CSMD1: variants seen among roughly 807,000 people sequenced by gnomAD.
CSMD1 encodes CUB and Sushi multiple domains 1, also known as CUB and sushi domain-containing protein 1.
CSMD1 carries 213 observed loss-of-function variants against 417.5 expected under a neutral mutation model. The ratio of observed to expected loss-of-function variants is 0.51; its 90% CI spans 0.46 to 0.57. The LOEUF is 0.57. CSMD1 is among the 20% of genes least tolerant of loss of function. CSMD1 has a pLI of 0.00. For synonymous variants in CSMD1, 2,862 were observed against 1,736.8 expected (o/e 1.65, Z -16.11); for missense variants, 6,923 against 4,529.7 (o/e 1.53, Z -15.17).
At chr8:3,878,890 T>C (rs1437352379) in intron 5 of CSMD1, among the ~76,000 whole-genome samples, 1 of 152,208 alleles carries the variant, frequency 6.6e-6, no homozygotes, top group Admixed American at 6.5e-5. Flanking sequence ...TATTCACCAA[T>C]ATCACAAGTT....
chr8:4,392,775 C>T (rs1007748559), intron 3 of CSMD1, among the ~76,000 whole-genome samples: 1 of 151,670 alleles, frequency 6.6e-6, no homozygotes, highest in African/African-American at 2.4e-5. Flanking sequence ...TGAGAACATC[C>T]TGGCCAACAT....
At chr8:4,098,712 G>C (rs951456813) in intron 3 of CSMD1, among the ~76,000 whole-genome samples, 1 of 152,106 alleles carries the variant, frequency 6.6e-6, no homozygotes, top group African/African-American at 2.4e-5. Context: ...ACCTACTCTA[G>C]GTTTATTTCC....
intron 41 of CSMD1, among the ~76,000 whole-genome samples, chr8:3,142,011 A>G (rs1305537253): frequency 1.3e-5 from 2 of 151,908 alleles, no homozygotes; most frequent in Non-Finnish European, 2.9e-5. Context: ...GTTAGCCAGG[A>G]TGGTCTCGAT....
intron 1 of CSMD1, among the ~76,000 whole-genome samples, chr8:4,730,556 C>T (rs1158739367): frequency 3.9e-5 from 6 of 151,934 alleles, no homozygotes; most frequent in South Asian, 2.1e-4. Flanking sequence ...CTGGCTAACA[C>T]GGTGAAACTC....
intron 5 of CSMD1, among the ~76,000 whole-genome samples, chr8:3,933,855 C>G (rs1047538973): frequency 2.0e-5 from 3 of 152,102 alleles, no homozygotes; most frequent in Non-Finnish European, 2.9e-5. Flanking sequence ...GTGCTCTGAA[C>G]TATTTTTTTC....
chr8:4,946,593 T>C (rs1313481704), intron 1 of CSMD1, among the ~76,000 whole-genome samples: 3 of 152,198 alleles, frequency 2.0e-5, no homozygotes, highest in Non-Finnish European at 4.4e-5. Flanking sequence ...CACTAAATTC[T>C]AGGCTTATGT....
intron 6 of CSMD1, among the ~76,000 whole-genome samples, chr8:3,742,096 G>A (rs754351877): frequency 1.1e-4 from 16 of 151,630 alleles, no homozygotes; most frequent in Non-Finnish European, 2.2e-4. Context: ...ACCTGGCTCT[G>A]CTGATGAGGA....
intron 10 of CSMD1, among the ~76,000 whole-genome samples, chr8:3,574,379 G>C (rs1800061165): frequency 6.6e-6 from 1 of 152,124 alleles, no homozygotes; most frequent in South Asian, 2.1e-4. Context: ...TAGCTGGGAT[G>C]ACAGGTGCCT....
intron 11 of CSMD1, among the ~76,000 whole-genome samples, chr8:3,492,189 T>C (rs1335977039): frequency 1.3e-5 from 2 of 152,102 alleles, no homozygotes; most frequent in Non-Finnish European, 1.5e-5. Flanking sequence ...GCCAAGATGT[T>C]TGATTATTCT....
chr8:3,309,657 G>A (rs1314616728), intron 23 of CSMD1, among the ~76,000 whole-genome samples: 1 of 152,114 alleles, frequency 6.6e-6, no homozygotes, highest in Non-Finnish European at 1.5e-5. Context: ...GGACCACATG[G>A]TCTCTTTCCT....
At chr8:3,829,228 C>T (rs1327500340) in intron 5 of CSMD1, among the ~76,000 whole-genome samples, 1 of 152,046 alleles carries the variant, frequency 6.6e-6, no homozygotes, top group Non-Finnish European at 1.5e-5. Flanking sequence ...CCTTCTTATG[C>T]CTTTGCATCC....
intron 1 of CSMD1, among the ~76,000 whole-genome samples, chr8:4,899,894 G>A (rs537717086): frequency 6.6e-6 from 1 of 152,120 alleles, no homozygotes; most frequent in Non-Finnish European, 1.5e-5. Flanking sequence ...CCTTTCAGCT[G>A]CTCTGTCCCT....
intron 1 of CSMD1, among the ~76,000 whole-genome samples, chr8:4,692,655 C>G (rs536058735): frequency 1.3e-5 from 2 of 152,302 alleles, no homozygotes; most frequent in Admixed American, 1.3e-4. Flanking sequence ...GACTGACCAA[C>G]TGTCCTGGTT....
At position 4,479,330 on chromosome 8, in the gene CSMD1, A is replaced by G. The variant is rs530188881; in HGVS notation, c.303-59265T>C. 9.3e-4 allele frequency among the ~76,000 whole-genome samples: 142 copies of G among 152,304 alleles called. 1 individual carries two copies. The highest frequency in any genetic ancestry group is 3.3e-3 in the African/African-American group (136 of 41,568). On this transcript the variant is annotated intron_variant, in intron 2 of 69. Coordinates refer to ENST00000635120, the MANE Select transcript of CSMD1 (RefSeq NM_033225.6). ...GGTAAGTATGAAAAAGGAATTTTAT[A>G]CAGTTGAACAGCTGCACTTTACCAC...
At chr8:3,307,576 C>G in intron 25 of CSMD1, 119 bp downstream of exon 25, 1 of 1,197,872 alleles carries the variant, frequency 8.3e-7, no homozygotes, top group Admixed American at 2.4e-5. Context: ...ACAGCTTTAC[C>G]TTTTCTTCTT....
intron 3 of CSMD1, among the ~76,000 whole-genome samples, chr8:4,048,300 T>C (rs1798252491): frequency 6.6e-6 from 1 of 152,200 alleles, no homozygotes; most frequent in African/African-American, 2.4e-5. Context: ...AAGATTGAGC[T>C]GGTTACACAA....
At chr8:4,286,031 G>A (rs531322080) in intron 3 of CSMD1, among the ~76,000 whole-genome samples, 1 of 152,192 alleles carries the variant, frequency 6.6e-6, no homozygotes, top group South Asian at 2.1e-4. Flanking sequence ...TCTCTGCCTT[G>A]GCTTAGTGGA....
intron 12 of CSMD1, among the ~76,000 whole-genome samples, chr8:3,446,893 G>C (rs1384720205): frequency 6.6e-6 from 1 of 152,170 alleles, no homozygotes; most frequent in East Asian, 1.9e-4. Flanking sequence ...ACTTGTAAGA[G>C]AAATTAAAGC....
intron 41 of CSMD1, among the ~76,000 whole-genome samples, chr8:3,141,825 T>C (rs1818504318): frequency 6.9e-6 from 1 of 145,438 alleles, no homozygotes. Context: ...TGAGATGGAG[T>C]CTGGCTCTGT....
Sources: allele counts gnomAD v4.1 joint callset (sites outside exome capture counted in the v4.1 genomes callset), GRCh38; gene constraint gnomAD v4.1.1; transcripts MANE v1.5; gene names NCBI Gene and HGNC (gene_info 2026-07-23, HGNC 2026-07-21).